Variants in DSCAM observed in about 807,000 individuals in gnomAD.
The protein encoded by DSCAM is cell adhesion molecule DSCAM.
Under a neutral mutation model 217.7 loss-of-function variants are expected in DSCAM, and 47 were observed. The observed-to-expected ratio is 0.22, with a 90% CI of 0.17 to 0.28. The LOEUF is 0.28. Among genes scored for constraint, DSCAM ranks in the 10% least tolerant of loss-of-function variants. The pLI, the probability that DSCAM is intolerant of heterozygous loss-of-function variation, is 1.00. For synonymous variants in DSCAM, 1,056 were observed against 1,015.3 expected, an observed-to-expected ratio of 1.04 and a Z score of -0.76; for missense variants, 2,080 against 2,618.3, an observed-to-expected ratio of 0.79 and a Z score of 4.49.
At chr21:40,113,625 C>A (rs2089928857) in intron 20 of DSCAM, among the ~76,000 whole-genome samples, 1 of 152,044 alleles carries the variant, frequency 6.6e-6, no homozygotes, top group South Asian at 2.1e-4. Flanking sequence ...TCAAATTGTC[C>A]CTGTTTGCAG....
chr21:40,696,613 C>A (rs371199181), intron 2 of DSCAM, among the ~76,000 whole-genome samples: 1 of 152,088 alleles, frequency 6.6e-6, no homozygotes, highest in Non-Finnish European at 1.5e-5. Flanking sequence ...TAGCAACCAG[C>A]GCGCAGATCT....
At chr21:40,491,548 C>A (rs1282525141) in intron 3 of DSCAM, among the ~76,000 whole-genome samples, 1 of 151,690 alleles carries the variant, frequency 6.6e-6, no homozygotes, top group Non-Finnish European at 1.5e-5. Context: ...TGCAAAAGTA[C>A]CCTGTACCAT....
intron 3 of DSCAM, among the ~76,000 whole-genome samples, chr21:40,397,239 TC>T (rs2075187365): frequency 6.6e-6 from 1 of 152,048 alleles, no homozygotes; most frequent in Admixed American, 6.5e-5. Context: ...TGAGATGTGA[TC>T]CCGTGTTGGA....
chr21:40,715,105 C>A (rs952442758), intron 1 of DSCAM, among the ~76,000 whole-genome samples: 1 of 152,220 alleles, frequency 6.6e-6, no homozygotes, highest in East Asian at 1.9e-4. Flanking sequence ...AAATAAACTT[C>A]TGTTGTTTAC....
intron 3 of DSCAM, among the ~76,000 whole-genome samples, chr21:40,403,629 G>GCACACACA (rs3069908): frequency 2.6e-3 from 384 of 145,886 alleles, no homozygotes; most frequent in African/African-American, 7.8e-3. Flanking sequence ...GCATGCATGT[G>GCACACACA]CACACACACA....
At chr21:40,409,435 T>C (rs1281256604) in intron 3 of DSCAM, among the ~76,000 whole-genome samples, 2 of 152,216 alleles carry the variant, frequency 1.3e-5, no homozygotes, top group Non-Finnish European at 2.9e-5. Flanking sequence ...ACCAGCCTGA[T>C]GGTCTCTTCT....
chr21:40,309,597 T>C (rs1050011070), intron 9 of DSCAM, among the ~76,000 whole-genome samples: 2 of 152,182 alleles, frequency 1.3e-5, no homozygotes, highest in African/African-American at 4.8e-5. Flanking sequence ...CCCTTGTCAA[T>C]ACCGTTCTTC....
In DSCAM at chr21:40,058,242, C is replaced by G. The variant is rs1425074190; in HGVS notation, c.4920-2402G>C. 6.6e-5 allele frequency among the ~76,000 whole-genome samples: 10 copies of G among 152,178 alleles called. No homozygotes were observed. The South Asian group carries it at 1.5e-3, about 22-fold the overall frequency. On this transcript the variant is annotated intron_variant, in intron 28 of 32. Transcript: ENST00000400454. ...TTTAGAACACACTTCCCCTGCTACC[C>G]CCAAAACCCACATACTGGCTCCCTT...
intron 16 of DSCAM, among the ~76,000 whole-genome samples, chr21:40,156,025 C>T (rs532673928): frequency 6.6e-6 from 1 of 151,538 alleles, no homozygotes; most frequent in South Asian, 2.1e-4. Flanking sequence ...GGTCCTTAAA[C>T]TGGAACTGCC....
chr21:40,255,723 C>T (rs1393628487), intron 11 of DSCAM, among the ~76,000 whole-genome samples: 1 of 152,172 alleles, frequency 6.6e-6, no homozygotes, highest in African/African-American at 2.4e-5. Flanking sequence ...CCACACTTGG[C>T]TAATTCTGAG....
At chr21:40,804,848 C>T (rs1183100854) in intron 1 of DSCAM, among the ~76,000 whole-genome samples, 1 of 152,140 alleles carries the variant, frequency 6.6e-6, no homozygotes, top group African/African-American at 2.4e-5. Flanking sequence ...CTACTGAGCT[C>T]CAGACTTAAC....
At chr21:40,760,382 CT>C (rs951593311) in intron 1 of DSCAM, among the ~76,000 whole-genome samples, 11 of 152,122 alleles carry the variant, frequency 7.2e-5, no homozygotes, top group Admixed American at 7.2e-4. Flanking sequence ...AGAATTCCTC[CT>C]GTTTTTTACA....
At chr21:40,308,485 T>G (rs1453218587) in intron 9 of DSCAM, among the ~76,000 whole-genome samples, 1 of 152,216 alleles carries the variant, frequency 6.6e-6, no homozygotes, top group Non-Finnish European at 1.5e-5. Flanking sequence ...CAGCTGAAAC[T>G]GCAAAGGAGC....
At chr21:40,570,288 C>T (rs2076796441) in intron 3 of DSCAM, among the ~76,000 whole-genome samples, 1 of 152,210 alleles carries the variant, frequency 6.6e-6, no homozygotes, top group Non-Finnish European at 1.5e-5. Flanking sequence ...CTGACCCCAC[C>T]TTCACACCAT....
intron 8 of DSCAM, among the ~76,000 whole-genome samples, chr21:40,336,348 T>C (rs2074430194): frequency 1.3e-5 from 2 of 152,244 alleles, no homozygotes; most frequent in African/African-American, 2.4e-5. Flanking sequence ...TTATAAATAA[T>C]AAAATTGAAT....
Position 40,756,265 on chromosome 21 carries a change from T to C in DSCAM, c.44-47494A>G, listed in dbSNP as rs12482245. Among the ~76,000 whole-genome samples, 827 of 152,328 alleles carry C rather than the reference T, an allele frequency of 5.4e-3. 10 individuals carry two copies. Among genetic ancestry groups the C allele is most frequent in the Non-Finnish European group, 8.7e-3 (595 of 68,020 alleles). ...CCATAGGAGCTGCCTGCTCCCTCTT[T>C]GCCTTCTGCCATGATTCTAAGCTTC... On this transcript the variant is annotated intron_variant, in intron 1 of 32. Transcript: ENST00000400454.
At chr21:40,735,789 A>G (rs542773551) in intron 1 of DSCAM, among the ~76,000 whole-genome samples, 1 of 152,344 alleles carries the variant, frequency 6.6e-6, no homozygotes, top group South Asian at 2.1e-4. Context: ...AGCATTTCTG[A>G]TACCAAATGG....
chr21:40,126,692 T>G (rs2090097534), intron 19 of DSCAM, among the ~76,000 whole-genome samples: 1 of 152,220 alleles, frequency 6.6e-6, no homozygotes, highest in African/African-American at 2.4e-5. Flanking sequence ...AGTTTGGTGA[T>G]TCCTTGTTTT....
chr21:40,489,774 C>CAAAAAACA (rs2076060291), intron 3 of DSCAM, among the ~76,000 whole-genome samples: 1 of 47,178 alleles, frequency 2.1e-5, no homozygotes, highest in African/African-American at 7.8e-5. Context: ...GACTCCGTCT[C>CAAAAAACA]AAAAAAAAAA....
Sources: allele counts gnomAD v4.1 joint callset (sites outside exome capture counted in the v4.1 genomes callset), GRCh38; gene constraint gnomAD v4.1.1; transcripts MANE v1.5; gene names NCBI Gene and HGNC (gene_info 2026-07-23, HGNC 2026-07-21).